The following MRPS35 variants were observed in gnomAD, a reference collection of about 807,000 sequenced individuals.
The protein encoded by MRPS35 is small ribosomal subunit protein mS35.
In MRPS35, 29 loss-of-function variants were observed where a neutral mutation model predicts 32.7. The ratio of observed to expected loss-of-function variants is 0.89; its 90% CI spans 0.66 to 1.21. The LOEUF (loss-of-function observed/expected upper bound fraction) is 1.21, where lower values mean the gene tolerates loss of function less well. MRPS35 is among the 50% of genes most tolerant of loss of function. MRPS35 has a pLI of 0.00. For missense variants in MRPS35, 373 were observed against 383.8 expected (o/e 0.97, Z 0.23); for synonymous variants, 148 against 139.3 (o/e 1.06, Z -0.44).
At chr12:27,711,171 T>G (rs2061819830) in intron 1 of MRPS35, among the ~76,000 whole-genome samples, 1 of 152,246 alleles carries the variant, frequency 6.6e-6, no homozygotes, top group Non-Finnish European at 1.5e-5. Context: ...CTGGGTGCTC[T>G]GGGAGTTTGC....
chr12:27,721,122 C>T (rs931292986), intron 4 of MRPS35, among the ~76,000 whole-genome samples: 2 of 152,070 alleles, frequency 1.3e-5, no homozygotes, highest in African/African-American at 2.4e-5. Flanking sequence ...GAATAGTAAA[C>T]ATAATTATGA....
At chr12:27,718,368 A>C (rs1478398317) in intron 3 of MRPS35, among the ~76,000 whole-genome samples, 1 of 152,216 alleles carries the variant, frequency 6.6e-6, no homozygotes, top group African/African-American at 2.4e-5. Context: ...CAGAGGTTGC[A>C]GTGAGCCGGG....
intron 6 of MRPS35, 100 bp downstream of exon 6, chr12:27,735,656 G>C: frequency 1.2e-6 from 1 of 834,672 alleles, no homozygotes. Context: ...GAAGATGGGG[G>C]AGGGCGTAGC....
At chr12:27,741,413 T>C (rs756054088) in intron 7 of MRPS35, among the ~76,000 whole-genome samples, 8 of 152,138 alleles carry the variant, frequency 5.3e-5, no homozygotes, top group Non-Finnish European at 1.2e-4. Context: ...GTGTAAAGTG[T>C]CTGGCAAATA....
chr12:27,719,721 G>A (rs1164661992), intron 3 of MRPS35, 87 bp from the exon 4 acceptor site: 4 of 818,500 alleles, frequency 4.9e-6, no homozygotes, highest in Non-Finnish European at 4.0e-6. Context: ...GTTTTATTGG[G>A]CCTGTGATTT....
At chr12:27,744,360 G>A (rs935030008) in intron 7 of MRPS35, among the ~76,000 whole-genome samples, 4 of 152,062 alleles carry the variant, frequency 2.6e-5, no homozygotes, top group African/African-American at 4.8e-5. Context: ...TTGGGAGGCC[G>A]AGGCAGGCGG....
Position 27,735,422 on chromosome 12 carries a change from TCAAATAAC to T in MRPS35, c.523-24_523-17del, listed in dbSNP as rs1310586072. 2 of 1,502,648 alleles carry T rather than the reference TCAAATAAC, an allele frequency of 1.3e-6. No individual in the cohort carries two copies. The highest frequency in any genetic ancestry group is 1.9e-5 in the Admixed American group (1 of 53,170). The allele number at this position is 1,502,648 out of a possible 1,614,324, so 93.1% of individuals were successfully genotyped here. ...TAAACAATTATATGAAATTATTTTT[TCAAATAAC>T]TTTTCTTATTTTTAAGGTAAAGCTT... is the stretch of plus-strand genomic sequence containing the variant. On this transcript the variant is annotated splice_polypyrimidine_tract_variant and intron_variant, in intron 5 of 7. Transcript: ENST00000081029.
At chr12:27,747,441 T>A (rs1056704811) in intron 7 of MRPS35, among the ~76,000 whole-genome samples, 1 of 152,230 alleles carries the variant, frequency 6.6e-6, no homozygotes, top group Non-Finnish European at 1.5e-5. Context: ...GTAAATGTTT[T>A]TTAAAACTTA....
Position 27,722,407 on chromosome 12 carries a change from GT to G in MRPS35, c.383-1639del, listed in dbSNP as rs1404297244. On this transcript the variant is annotated intron_variant, in intron 4 of 7. Transcript: ENST00000081029. ...ATCAGATGAGTAAAGGCTAATAGGAGTCTATTATGTGTTTTCCATTTGGCTG... is the reference window on the plus strand; with the variant it reads ...ATCAGATGAGTAAAGGCTAATAGGAGCTATTATGTGTTTTCCATTTGGCTG... 3.3e-5 allele frequency among the ~76,000 whole-genome samples: 5 copies of G among 152,100 alleles called. No individual in the cohort carries two copies. The East Asian group carries it at 9.6e-4, about 29-fold the overall frequency.
chr12:27,747,348 C>T (rs1338676437), intron 7 of MRPS35, among the ~76,000 whole-genome samples: 1 of 152,152 alleles, frequency 6.6e-6, no homozygotes, highest in African/African-American at 2.4e-5. Flanking sequence ...CGTGTCTGCT[C>T]ACCCCATTAG....
rs1487080577 is a variant in MRPS35, at chr12:27,737,549, A to T, written c.643A>T (p.Arg215Trp). 3.1e-6 allele frequency: 5 copies of T among 1,612,492 alleles called. No individual in the cohort carries two copies. ...CTTTCTCTTTAATAGGTGCCCTTTA[A>T]GGAGGCAGAATTACGATTATGCAGT... ...LTIKTDRCPL[R>W]RQNYDYAVYL... The change falls in exon 7 of 8, where the codon AGG (arginine) becomes TGG (tryptophan). Residue 215 changes from arginine (R) to tryptophan (W), a missense_variant. Transcript: ENST00000081029.
chr12:27,711,453 G>C (rs1352678381), intron 1 of MRPS35, among the ~76,000 whole-genome samples: 3 of 152,152 alleles, frequency 2.0e-5, no homozygotes, highest in African/African-American at 7.2e-5. Flanking sequence ...TGCTTACCCC[G>C]GAGGACTCTA....
Position 27,755,236 on chromosome 12 carries a change from G to C in MRPS35, c.758G>C (p.Trp253Ser), listed in dbSNP as rs1437045626. 2.5e-6 allele frequency: 4 copies of C among 1,608,996 alleles called. No individual in the cohort carries two copies. Among genetic ancestry groups the C allele is most frequent in the Non-Finnish European group, 3.4e-6 (4 of 1,179,002 alleles). The change falls in exon 8 of 8, where the codon TGG (tryptophan) becomes TCG (serine). Residue 253 changes from tryptophan (W) to serine (S), a missense_variant. Transcript: ENST00000081029. ...GAAGCAGACATGGAAGAGTATATAT[G>C]GGAAAATAGCTCATCAGAAAGAAAT... is the stretch of plus-strand genomic sequence containing the variant. ...KTEADMEEYI[W>S]ENSSSERNIL...
intron 7 of MRPS35, among the ~76,000 whole-genome samples, chr12:27,741,157 G>T (rs905270755): frequency 1.3e-5 from 2 of 151,732 alleles, no homozygotes; most frequent in Admixed American, 1.3e-4. Flanking sequence ...GACAGAGTGA[G>T]ACTCTGTCTC....
At chr12:27,723,188 C>G (rs2061884034) in intron 4 of MRPS35, among the ~76,000 whole-genome samples, 1 of 152,184 alleles carries the variant, frequency 6.6e-6, no homozygotes, top group African/African-American at 2.4e-5. Flanking sequence ...TGAAAGTTCT[C>G]TGCCATGCTA....
intron 7 of MRPS35, among the ~76,000 whole-genome samples, chr12:27,738,336 T>C (rs2061950462): frequency 1.3e-5 from 2 of 152,184 alleles, no homozygotes; most frequent in Admixed American, 6.5e-5. Context: ...TGAGATCAAG[T>C]GTAAATTTTC....
At chr12:27,743,859 G>A (rs2061972623) in intron 7 of MRPS35, among the ~76,000 whole-genome samples, 1 of 152,144 alleles carries the variant, frequency 6.6e-6, no homozygotes, top group South Asian at 2.1e-4. Flanking sequence ...GTCTTACTGT[G>A]TCCTCACTTG....
intron 1 of MRPS35, 58 bp from the exon 2 acceptor site, chr12:27,714,722 A>G: frequency 7.7e-7 from 1 of 1,306,922 alleles, no homozygotes; most frequent in Non-Finnish European, 1.1e-6. Context: ...TTGATGTTGA[A>G]CAACTAACTT....
At chr12:27,749,465 T>C (rs2061993559) in intron 7 of MRPS35, among the ~76,000 whole-genome samples, 1 of 152,254 alleles carries the variant, frequency 6.6e-6, no homozygotes, top group African/African-American at 2.4e-5. Context: ...CTCTTGTTTC[T>C]GTATATTTTA....
Sources: allele counts gnomAD v4.1 joint callset (sites outside exome capture counted in the v4.1 genomes callset), GRCh38; gene constraint gnomAD v4.1.1; transcripts MANE v1.5; gene names NCBI Gene and HGNC (gene_info 2026-07-23, HGNC 2026-07-21).